Variants in SH3PXD2B observed in about 807,000 individuals in gnomAD.
SH3PXD2B encodes SH3 and PX domain-containing protein 2B.
A neutral mutation model predicts 73.1 loss-of-function variants in SH3PXD2B; 37 were observed. The observed-to-expected ratio is 0.51, with a 90% CI of 0.39 to 0.67. SH3PXD2B has a LOEUF of 0.67. Among genes scored for constraint, SH3PXD2B ranks in the 30% least tolerant of loss-of-function variants. The probability of loss-of-function intolerance (pLI) is 0.00; values close to 1 mark genes in which losing one functional copy is unlikely to be tolerated. For missense variants in SH3PXD2B, 1,053 were observed against 1,197.8 expected (o/e 0.88, Z 1.78); for synonymous variants, 457 against 480.5 (o/e 0.95, Z 0.64).
chr5:172,431,740 A>G (rs1023114431), intron 1 of SH3PXD2B, among the ~76,000 whole-genome samples: 2 of 152,188 alleles, frequency 1.3e-5, no homozygotes, highest in Non-Finnish European at 2.9e-5. Context: ...TACGTTCTGT[A>G]AAGTCACTGA....
chr5:172,362,825 C>T lies in SH3PXD2B; in HGVS notation c.472G>A (p.Val158Met). The T allele has an allele frequency of 1.9e-6, 3 of 1,614,166 alleles. No homozygotes were observed. The highest frequency in any genetic ancestry group is 1.7e-6 in the Non-Finnish European group (2 of 1,180,014). The part of the protein sequence containing the change: ...SVDPMVLEQY[V>M]VVANYQKQES... ...TGCTTCTGGTAGTTGGCTACCACCA[C>T]ATACTGCTCCAGGACCATGGGGTCC... is the stretch of plus-strand genomic sequence containing the variant. The change falls in exon 7 of 13, where the codon GTG becomes ATG. Residue 158 changes from valine (V) to methionine (M), a missense_variant. By Grantham distance (21) the Val-to-Met change is conservative. Around this residue, in one of 2 missense-constraint regions of SH3PXD2B, gnomAD observed 466 missense variants for 607.1 expected, o/e 0.77. Coordinates refer to ENST00000311601, the MANE Select transcript of SH3PXD2B (RefSeq NM_001017995.3).
chr5:172,356,194 A>ATGTC (rs1187839539), intron 8 of SH3PXD2B, among the ~76,000 whole-genome samples: 4 of 152,062 alleles, frequency 2.6e-5, no homozygotes, highest in African/African-American at 9.7e-5. Flanking sequence ...TTCTTTGGTG[A>ATGTC]TGTCCCTTAA....
Position 172,333,600 on chromosome 5 carries a change from T to C in SH3PXD2B, c.*4769A>G. 7.8e-7 allele frequency: 1 copy of C among 1,277,418 alleles called. No individual in the cohort carries two copies. The highest frequency in any genetic ancestry group is 2.2e-4 in the Middle Eastern group (1 of 4,636). 79.1% of individuals were successfully genotyped at this position (1,277,418 alleles called of 1,614,324 possible). On this transcript the variant is annotated 3_prime_UTR_variant, in exon 13 of 13. Transcript: ENST00000311601. ...GTATATAGCCTACACATGCTACAGCTAGTTGTTCTCACCCCTCCCCTCACA... is the reference window on the plus strand; with the variant it reads ...GTATATAGCCTACACATGCTACAGCCAGTTGTTCTCACCCCTCCCCTCACA...
chr5:172,410,290 A>C (rs1332878725), intron 2 of SH3PXD2B, among the ~76,000 whole-genome samples: 1 of 152,058 alleles, frequency 6.6e-6, no homozygotes, highest in Non-Finnish European at 1.5e-5. Flanking sequence ...TTTTCTCTAC[A>C]TCCTTGCCAG....
intron 4 of SH3PXD2B, among the ~76,000 whole-genome samples, chr5:172,390,581 TG>T (rs947531580): frequency 6.6e-6 from 1 of 152,156 alleles, no homozygotes; most frequent in Non-Finnish European, 1.5e-5. Flanking sequence ...TAAAAAGATA[TG>T]TCTATTGTAT....
chr5:172,348,650 CTATCCTATCTATCTATCTAT>C lies in SH3PXD2B; in HGVS notation c.1013-1338_1013-1319del, dbSNP rs1212849269. 6.8e-3 allele frequency among the ~76,000 whole-genome samples: 531 copies of C among 77,698 alleles called. 7 individuals carry two copies. Among genetic ancestry groups the C allele is most frequent in the Middle Eastern group, 0.044 (7 of 158 alleles). The allele number at this position is 77,698 out of a possible 152,430, so 51.0% of individuals were successfully genotyped here. A position where few individuals can be genotyped will look rare whatever the true frequency, so the allele number is the denominator to read the frequency against. The stretch of plus-strand genomic sequence containing the variant: ...TGTATCTATCTATGTATCTATCTAT[CTATCCTATCTATCTATCTAT>C]CTATCTATCTATCTATCTATCTATC... On this transcript the variant is annotated intron_variant, in intron 10 of 12. Coordinates refer to ENST00000311601, the MANE Select transcript of SH3PXD2B (RefSeq NM_001017995.3).
At chr5:172,433,096 A>G (rs2731683) in intron 1 of SH3PXD2B, among the ~76,000 whole-genome samples, 57,810 of 151,760 alleles carry the variant, frequency 0.38, 11,551 homozygotes, top group Non-Finnish European at 0.46. Context: ...AACCTTTTCT[A>G]TGTAACACAA....
chr5:172,348,948 A>G (rs1179510249), intron 10 of SH3PXD2B, among the ~76,000 whole-genome samples: 1 of 152,118 alleles, frequency 6.6e-6, no homozygotes, highest in Non-Finnish European at 1.5e-5. Flanking sequence ...CCTGGCCTCA[A>G]GTGATCCTCC....
At chr5:172,374,212 A>T (rs1170768925) in intron 5 of SH3PXD2B, among the ~76,000 whole-genome samples, 1 of 152,168 alleles carries the variant, frequency 6.6e-6, no homozygotes, top group African/African-American at 2.4e-5. Flanking sequence ...CATGGGGCAG[A>T]AAGTGCTTGG....
chr5:172,353,949 G>A lies in SH3PXD2B; in HGVS notation c.724C>T (p.Leu242=). 6.2e-7 allele frequency: 1 copy of A among 1,614,074 alleles called. No homozygotes were observed. The highest frequency in any genetic ancestry group is 8.5e-7 in the Non-Finnish European group (1 of 1,180,030). Residue 242 remains leucine, a synonymous_variant, in exon 9 of 13, where the codon CTG becomes TTG. Coordinates refer to ENST00000311601, the MANE Select transcript of SH3PXD2B (RefSeq NM_001017995.3). This position sits in a 1 kb window ranked among gnomAD's most constrained non-coding sequence, Gnocchi z 4.3. ...YTARDQDEMN[L]ERGAVVEVIQ... is the part of the protein sequence containing the mutation. ...ACCTCCACCACAGCCCCTCTCTCCA[G>A]GTTCATTTCATCCTGGTCCCGAGCT...
chr5:172,333,883 A>G lies in SH3PXD2B; in HGVS notation c.*4486T>C. ...CACCCCTCTAAGTGAAAGGGGCGCT[A>G]ACAATAATTACACGGGCACAAAGGC... On this transcript the variant is annotated 3_prime_UTR_variant, in exon 13 of 13. Transcript: ENST00000311601. 7.8e-7 allele frequency: 1 copy of G among 1,274,228 alleles called. No individual in the cohort carries two copies. The allele number at this position is 1,274,228 out of a possible 1,614,324, so 78.9% of individuals were successfully genotyped here.
At chr5:172,444,583 C>T (rs1302574263) in intron 1 of SH3PXD2B, among the ~76,000 whole-genome samples, 1 of 152,170 alleles carries the variant, frequency 6.6e-6, no homozygotes, top group Admixed American at 6.6e-5. Flanking sequence ...GAGAACAAAA[C>T]AAATTTGGAG....
At chr5:172,388,690 G>A (rs1437997591) in intron 4 of SH3PXD2B, among the ~76,000 whole-genome samples, 1 of 152,242 alleles carries the variant, frequency 6.6e-6, no homozygotes, top group Non-Finnish European at 1.5e-5. Context: ...TGACTCTGGA[G>A]AGAAGTCAGG....
At chr5:172,390,632 A>G (rs2731729) in intron 4 of SH3PXD2B, among the ~76,000 whole-genome samples, 57,542 of 152,096 alleles carry the variant, frequency 0.38, 11,397 homozygotes, top group East Asian at 0.67. Context: ...CCAGCTGATG[A>G]ACTTGTGGAT....
chr5:172,407,949 C>G (rs1758598834), intron 2 of SH3PXD2B, among the ~76,000 whole-genome samples: 3 of 152,182 alleles, frequency 2.0e-5, no homozygotes, highest in Admixed American at 6.5e-5. Flanking sequence ...TCTTTATCAT[C>G]AAATCACCTC....
rs372347030 is a variant in SH3PXD2B at position 172,350,388 on chromosome 5, C to T, written c.987G>A (p.Pro329=). The change falls in exon 10 of 13, where the codon CCG becomes CCA. Residue 329 remains proline, a synonymous_variant. Transcript: ENST00000311601. ...TCTGCTTGGCGTCACCGTCGGGCAC[C>T]GGGCGGCCTTCAAACCGCCCGTCCC... is the stretch of plus-strand genomic sequence containing the variant. ...SQRDGRFEGR[P]VPDGDAKQRS... 27 of 1,613,700 alleles carry T rather than the reference C, an allele frequency of 1.7e-5. No homozygotes were observed. The highest frequency in any genetic ancestry group is 1.1e-4 in the East Asian group (5 of 44,876).
intron 1 of SH3PXD2B, among the ~76,000 whole-genome samples, chr5:172,452,772 G>C (rs1348563808): frequency 6.6e-6 from 1 of 151,986 alleles, no homozygotes; most frequent in Non-Finnish European, 1.5e-5. Flanking sequence ...ATGCCAAAGA[G>C]GCAAACTCAC....
At position 172,334,204 on chromosome 5, in the gene SH3PXD2B, A is replaced by G; in HGVS notation, c.*4165T>C. On this transcript the variant is annotated 3_prime_UTR_variant, in exon 13 of 13. Transcript: ENST00000311601. Reference sequence around the variant, plus strand: ...TTGGCAGAATAGCACCAGAAACCAGATGCCACCCCACGGAGCTGGGCAGTC... The same window carrying G: ...TTGGCAGAATAGCACCAGAAACCAGGTGCCACCCCACGGAGCTGGGCAGTC... 9.1e-7 allele frequency: 1 copy of G among 1,095,284 alleles called. No homozygotes were observed. The highest frequency in any genetic ancestry group is 1.1e-6 in the Non-Finnish European group (1 of 899,160). 67.8% of individuals were successfully genotyped at this position (1,095,284 alleles called of 1,614,324 possible).
At chr5:172,416,468 C>T (rs1758822169) in intron 2 of SH3PXD2B, among the ~76,000 whole-genome samples, 1 of 151,770 alleles carries the variant, frequency 6.6e-6, no homozygotes, top group Admixed American at 6.6e-5. Context: ...GCTGGGATTA[C>T]AGGTGCCCAC....
Sources: gnomAD v4.1 joint callset for allele counts (sites outside exome capture counted in the v4.1 genomes callset) on GRCh38, gnomAD v4.1.1 for gene constraint, gnomAD v4.1.1 regional missense constraint, Gnocchi (gnomAD v3.1) non-coding constraint, MANE v1.5 for transcripts, NCBI Gene and HGNC (gene_info 2026-07-23, HGNC 2026-07-21) for gene names.